The following USF3 variants were observed in gnomAD, a reference collection of about 807,000 sequenced individuals.
The protein encoded by USF3 is upstream transcription factor family member 3.
USF3 carries 29 observed loss-of-function variants against 157.5 expected under a neutral mutation model. The ratio of observed to expected loss-of-function variants is 0.18; its 90% CI spans 0.14 to 0.25. USF3 has a LOEUF of 0.25. Among genes scored for constraint, USF3 ranks in the 10% least tolerant of loss-of-function variants. The probability of loss-of-function intolerance (pLI) is 1.00; values close to 1 mark genes in which losing one functional copy is unlikely to be tolerated. For missense variants in USF3, 2,381 were observed against 2,667.6 expected (o/e 0.89, Z 2.37); for synonymous variants, 893 against 941.4 (o/e 0.95, Z 0.94).
rs1438860070 is a variant in USF3 at position 113,659,027 on chromosome 3, T to C, written c.2655A>G (p.Ser885=). ...GGGAGGGTGGGCTGGACTTTTCTGC[T>C]GACTTAGATTTCGATACAGACTCAG... The part of the protein sequence containing the change: ...LIPESVSKSK[S]AEKSSPPSQE... The change falls in exon 7 of 7, where the codon TCA becomes TCG. Residue 885 remains serine (S), a synonymous_variant. Transcript: ENST00000316407. 2.5e-6 allele frequency: 4 copies of C among 1,614,204 alleles called. No homozygotes were observed. The highest frequency in any genetic ancestry group is 3.4e-6 in the Non-Finnish European group (4 of 1,180,034).
intron 5 of USF3, among the ~76,000 whole-genome samples, chr3:113,667,607 T>C (rs971285160): frequency 2.6e-5 from 4 of 152,050 alleles, no homozygotes; most frequent in Admixed American, 1.3e-4. Flanking sequence ...GAGCCGGGCA[T>C]TGTAATCCCA....
In USF3 at chr3:113,655,034, G is replaced by C. The variant is rs769725668; in HGVS notation, c.6648C>G (p.Ser2216=). ...ACTGCTTGGAAGAGTCAGAGGCAGA[G>C]GAATTTGCTATTGTAAGCAAAGGTG... The part of the protein sequence containing the change: ...AMSPLLTIAN[S]SASDSSKQSS... The change falls in exon 7 of 7, where the codon TCC becomes TCG. Residue 2216 remains serine, a synonymous_variant. Transcript: ENST00000316407. The C allele has an allele frequency of 6.2e-7, 1 of 1,614,238 alleles. No individual in the cohort carries two copies. The highest frequency in any genetic ancestry group is 8.5e-7 in the Non-Finnish European group (1 of 1,180,030).
At position 113,655,374 on chromosome 3, in the gene USF3, G is replaced by A. The variant is rs769383748; in HGVS notation, c.6308C>T (p.Pro2103Leu). 8.1e-6 allele frequency: 13 copies of A among 1,613,928 alleles called. No individual in the cohort carries two copies. Among genetic ancestry groups the A allele is most frequent in the East Asian group, 2.2e-5 (1 of 44,894 alleles). Residue 2103 changes from proline (P) to leucine (L), a missense_variant, in exon 7 of 7, where the codon CCG becomes CTG. Coordinates refer to ENST00000316407, the MANE Select transcript of USF3 (RefSeq NM_001009899.4). Reference sequence around the variant, plus strand: ...ATAGAAGGAGGGCAGAGTATTTTGCGGATCTACCGGGATGAGGGCTGGAGT... The same window carrying A: ...ATAGAAGGAGGGCAGAGTATTTTGCAGATCTACCGGGATGAGGGCTGGAGT... ...TRTPALIPVDPQNTLPSFYPP... is the reference protein window; with the variant it reads ...TRTPALIPVDLQNTLPSFYPP...
intron 1 of USF3, among the ~76,000 whole-genome samples, chr3:113,679,003 G>GCTGGTGTC (rs1355808903): frequency 5.7e-5 from 8 of 140,672 alleles, no homozygotes; most frequent in Non-Finnish European, 1.2e-4. Context: ...TGCTGTCCAG[G>GCTGGTGTC]CTGGTGTCTC....
intron 1 of USF3, among the ~76,000 whole-genome samples, chr3:113,693,905 T>C (rs1707744977): frequency 6.6e-6 from 1 of 152,238 alleles, no homozygotes; most frequent in Non-Finnish European, 1.5e-5. Context: ...GGGGGGAAAG[T>C]TGGACACATG....
rs1947323953 is a variant in USF3, at chr3:113,654,846, C to A, written c.*98G>T. The A allele has an allele frequency of 7.5e-7, 1 of 1,326,162 alleles. No individual in the cohort carries two copies. Among genetic ancestry groups the A allele is most frequent in the Non-Finnish European group, 1.0e-6 (1 of 972,302 alleles). The allele number at this position is 1,326,162 out of a possible 1,614,324, so 82.1% of individuals were successfully genotyped here. On this transcript the variant is annotated 3_prime_UTR_variant, in exon 7 of 7. Coordinates refer to ENST00000316407, the MANE Select transcript of USF3 (RefSeq NM_001009899.4). ...ACTGAAAACTGATTATACAGACACA[C>A]ACACACAATCCTTCTCTTCATGTAC...
chr3:113,671,765 CTTTTTTTTTTT>C (rs10686146), intron 4 of USF3, among the ~76,000 whole-genome samples: 3 of 113,154 alleles, frequency 2.7e-5, no homozygotes, highest in Admixed American at 9.7e-5. Flanking sequence ...TTTCTTCTTC[CTTTTTTTTTTT>C]TTTTTTTTTT....
At position 113,650,093 on chromosome 3, in the gene USF3, A is replaced by G. The variant is rs1310399660; in HGVS notation, c.*4851T>C. The G allele has an allele frequency of 1.9e-6, 1 of 525,336 alleles. No individual in the cohort carries two copies. The highest frequency in any genetic ancestry group is 1.9e-5 in the African/African-American group (1 of 51,626). 32.5% of individuals were successfully genotyped at this position (525,336 alleles called of 1,614,324 possible). A position where few individuals can be genotyped will look rare whatever the true frequency, so the allele number is the denominator to read the frequency against. ...TCTGGATGTACACAGCCACAGGCGCACTACCTCCAGGCAAAGGTAGCATTT... is the reference window on the plus strand; with the variant it reads ...TCTGGATGTACACAGCCACAGGCGCGCTACCTCCAGGCAAAGGTAGCATTT... On this transcript the variant is annotated 3_prime_UTR_variant, in exon 7 of 7. Coordinates refer to ENST00000316407, the MANE Select transcript of USF3 (RefSeq NM_001009899.4).
At chr3:113,677,657 TC>T in intron 1 of USF3, among the ~76,000 whole-genome samples, 1 of 152,306 alleles carries the variant, frequency 6.6e-6, no homozygotes, top group South Asian at 2.1e-4. Flanking sequence ...TTCTCTGTTT[TC>T]TCTTATGCAT....
rs778383254 is a variant in USF3 at position 113,656,770 on chromosome 3, G to C, written c.4912C>G (p.Gln1638Glu). The C allele has an allele frequency of 1.9e-6, 3 of 1,614,190 alleles. No individual in the cohort carries two copies. The East Asian group carries it at 6.7e-5, about 36-fold the overall frequency. Reference protein sequence around the residue: ...QRLLTSRGLEQQMVSQPSIVT... With the variant: ...QRLLTSRGLEEQMVSQPSIVT... ...ATACTTGGTTGGGACACCATTTGCT[G>C]CTCTAAGCCTCTTGATGTCAAAAGC... The change falls in exon 7 of 7, where the codon CAG (glutamine) becomes GAG (glutamate). Residue 1638 changes from glutamine to glutamate, a missense_variant. Transcript: ENST00000316407.
At position 113,660,988 on chromosome 3, in the gene USF3, A is replaced by G; in HGVS notation, c.694T>C (p.Ser232Pro). The G allele has an allele frequency of 6.2e-7, 1 of 1,614,164 alleles. No homozygotes were observed. Among genetic ancestry groups the G allele is most frequent in the Non-Finnish European group, 8.5e-7 (1 of 1,180,030 alleles). ...PVPLCLPAAI[S>P]AQSILELPTS... ...GGAAGCTCGAGAATACTCTGAGCAG[A>G]AATGGCAGCAGGAAGACAAAGAGGA... The change falls in exon 7 of 7, where the codon TCT (serine) becomes CCT (proline). Residue 232 changes from serine (S) to proline (P), a missense_variant. By Grantham distance (74) the Ser-to-Pro change is moderately conservative (BLOSUM62 -1). Coordinates refer to ENST00000316407, the MANE Select transcript of USF3 (RefSeq NM_001009899.4).
chr3:113,658,991 T>C lies in USF3; in HGVS notation c.2691A>G (p.Val897=), dbSNP rs770637029. The change falls in exon 7 of 7, where the codon GTA becomes GTG. Residue 897 remains valine (V), a synonymous_variant. Transcript: ENST00000316407. ...CGGCCATTGCAAAATGTTCACTTGT[T>C]ACAGATTCTTGGGAGGGTGGGCTGG... The part of the protein sequence containing the change: ...EKSSPPSQES[V]TSEHFAMAAA... The C allele has an allele frequency of 6.2e-7, 1 of 1,614,180 alleles. No individual in the cohort carries two copies. Among genetic ancestry groups the C allele is most frequent in the Non-Finnish European group, 8.5e-7 (1 of 1,180,028 alleles).
chr3:113,682,107 G>A (rs13320940), intron 1 of USF3, among the ~76,000 whole-genome samples: 4 of 151,934 alleles, frequency 2.6e-5, no homozygotes, highest in Admixed American at 6.6e-5. Flanking sequence ...GAGGACTGCT[G>A]GAGCCTAGGA....
rs1299661921 is a variant in USF3, at chr3:113,659,706, T to C, written c.1976A>G (p.Gln659Arg). 1.2e-6 allele frequency: 2 copies of C among 1,614,254 alleles called. No homozygotes were observed. Among genetic ancestry groups the C allele is most frequent in the Non-Finnish European group, 1.7e-6 (2 of 1,180,032 alleles). ...TQTFSVTMSN[Q>R]QPQTISLNGQ... ...ATTTAAAGAAATGGTTTGAGGCTGT[T>C]GGTTTGACATGGTAACAGAAAAAGT... is the stretch of plus-strand genomic sequence containing the variant. Residue 659 changes from glutamine (Q) to arginine (R), a missense_variant, in exon 7 of 7, where the codon CAA becomes CGA. By Grantham distance (43) the Gln-to-Arg change is conservative. Around this residue, in one of 6 missense-constraint regions of USF3, gnomAD observed 1,435 missense variants for 1,550.9 expected, o/e 0.93. Coordinates refer to ENST00000316407, the MANE Select transcript of USF3 (RefSeq NM_001009899.4).
chr3:113,654,871 C>T lies in USF3; in HGVS notation c.*73G>A. The stretch of plus-strand genomic sequence containing the variant: ...CACACACAATCCTTCTCTTCATGTA[C>T]ATGTCTGTGCACATGCACGCACAAA... On this transcript the variant is annotated 3_prime_UTR_variant, in exon 7 of 7. Transcript: ENST00000316407. The T allele has an allele frequency of 6.9e-7, 1 of 1,458,834 alleles. No homozygotes were observed. Among genetic ancestry groups the T allele is most frequent in the Non-Finnish European group, 9.3e-7 (1 of 1,074,340 alleles). The allele number at this position is 1,458,834 out of a possible 1,614,324, so 90.4% of individuals were successfully genotyped here. A position where few individuals can be genotyped will look rare whatever the true frequency, so the allele number is the denominator to read the frequency against.
Position 113,660,432 on chromosome 3 carries a change from A to C in USF3, c.1250T>G (p.Ile417Ser), listed in dbSNP as rs1361510574. The C allele has an allele frequency of 2.5e-6, 4 of 1,614,060 alleles. No homozygotes were observed. Among genetic ancestry groups the C allele is most frequent in the Non-Finnish European group, 3.4e-6 (4 of 1,180,024 alleles). ...TGAAGAGATTCGTGTAAGGCTATTA[A>C]TGTTTTTCAAATCTGAAGTACTAAC... ...SSVSTSDLKN[I>S]NSLTRISSAG... Residue 417 changes from isoleucine (I) to serine (S), a missense_variant, in exon 7 of 7, where the codon ATT becomes AGT. Physicochemically the swap from Ile to Ser is moderately radical, Grantham distance 142 (BLOSUM62 -2). Around this residue, in one of 6 missense-constraint regions of USF3, gnomAD observed 1,435 missense variants for 1,550.9 expected, o/e 0.93. Coordinates refer to ENST00000316407, the MANE Select transcript of USF3 (RefSeq NM_001009899.4).
rs1947216058 is a variant in USF3 at position 113,649,106 on chromosome 3, G to A, written c.*5838C>T. On this transcript the variant is annotated 3_prime_UTR_variant, in exon 7 of 7. Coordinates refer to ENST00000316407, the MANE Select transcript of USF3 (RefSeq NM_001009899.4). Reference sequence around the variant, plus strand: ...TGAAGACTTCAGGGGTGGGAGCACAGAGAAGTCTTAGAAAAGTGAAGGGAT... The same window carrying A: ...TGAAGACTTCAGGGGTGGGAGCACAAAGAAGTCTTAGAAAAGTGAAGGGAT... 6.6e-6 allele frequency: 1 copy of A among 152,514 alleles called. No individual in the cohort carries two copies. Among genetic ancestry groups the A allele is most frequent in the South Asian group, 2.1e-4 (1 of 4,832 alleles). 9.4% of individuals were successfully genotyped at this position (152,514 alleles called of 1,614,324 possible). A position where few individuals can be genotyped will look rare whatever the true frequency, so the allele number is the denominator to read the frequency against.
At chr3:113,667,050 C>T (rs1462974045) in intron 5 of USF3, among the ~76,000 whole-genome samples, 3 of 152,068 alleles carry the variant, frequency 2.0e-5, no homozygotes, top group African/African-American at 7.2e-5. Context: ...TTAGCTATCT[C>T]TGGTACTTTG....
chr3:113,680,248 G>A (rs1209427203), intron 1 of USF3, among the ~76,000 whole-genome samples: 1 of 151,672 alleles, frequency 6.6e-6, no homozygotes, highest in Non-Finnish European at 1.5e-5. Flanking sequence ...TTTGCTGGGA[G>A]ACTTTTAATT....
Sources: gnomAD v4.1 joint callset for allele counts (sites outside exome capture counted in the v4.1 genomes callset) on GRCh38, gnomAD v4.1.1 for gene constraint, gnomAD v4.1.1 regional missense constraint, MANE v1.5 for transcripts, NCBI Gene and HGNC (gene_info 2026-07-23, HGNC 2026-07-21) for gene names.